Variants in NDUFS5 observed in about 807,000 individuals in gnomAD.
NDUFS5 encodes NADH:ubiquinone oxidoreductase subunit S5.
Under a neutral mutation model 10.5 loss-of-function variants are expected in NDUFS5, and 7 were observed. The observed-to-expected ratio is 0.66, with a 90% CI of 0.38 to 1.25. The LOEUF is 1.25. Among genes scored for constraint, NDUFS5 ranks in the 50% most tolerant of loss-of-function variants. NDUFS5 has a pLI of 0.02. For synonymous variants in NDUFS5, 38 were observed against 44.0 expected, an observed-to-expected ratio of 0.86 and a Z score of 0.54; for missense variants, 148 against 140.7, an observed-to-expected ratio of 1.05 and a Z score of -0.26.
At chr1:39,027,581 G>GTTTTTTTTTTTTTT (rs760373747) in intron 1 of NDUFS5, among the ~76,000 whole-genome samples, 4,225 of 90,642 alleles carry the variant, frequency 0.047, 798 homozygotes, top group African/African-American at 0.057. Context: ...TTTCGCTCTG[G>GTTTTTTTTTTTTTT]TTTTTTTTTT....
intron 1 of NDUFS5, among the ~76,000 whole-genome samples, chr1:39,027,772 A>G: frequency 8.4e-6 from 1 of 119,114 alleles, no homozygotes. Flanking sequence ...TTTGAGACAG[A>G]GAACCTGACC....
chr1:39,030,668 C>A (rs1047196664), intron 2 of NDUFS5, among the ~76,000 whole-genome samples: 4 of 136,640 alleles, frequency 2.9e-5, no homozygotes, highest in Non-Finnish European at 6.2e-5. Flanking sequence ...TGCAGTGAGT[C>A]GAGATTGTGC....
chr1:39,027,260 G>C (rs911014676), intron 1 of NDUFS5, among the ~76,000 whole-genome samples: 1 of 152,136 alleles, frequency 6.6e-6, no homozygotes, highest in East Asian at 1.9e-4. Context: ...TTAGTAGAGA[G>C]AGGGTTTCGC....
At chr1:39,029,866 G>T (rs937178661) in intron 2 of NDUFS5, among the ~76,000 whole-genome samples, 1 of 152,174 alleles carries the variant, frequency 6.6e-6, no homozygotes, top group African/African-American at 2.4e-5. Context: ...GCTGAGGCGG[G>T]TGTATCACGA....
chr1:39,027,402 C>T (rs370526400), intron 1 of NDUFS5, among the ~76,000 whole-genome samples: 5 of 152,184 alleles, frequency 3.3e-5, no homozygotes, highest in East Asian at 3.9e-4. Context: ...CATGAGTACA[C>T]ATTTATATTG....
intron 1 of NDUFS5, among the ~76,000 whole-genome samples, chr1:39,027,280 C>A (rs1273542051): frequency 6.6e-6 from 1 of 152,124 alleles, no homozygotes; most frequent in Non-Finnish European, 1.5e-5. Flanking sequence ...CCATGTTGGT[C>A]AGGCTGGTCT....
At chr1:39,026,430 G>T (rs1032509266) in intron 1 of NDUFS5, 28 bp downstream of exon 1, 2 of 152,264 alleles carry the variant, frequency 1.3e-5, no homozygotes, top group African/African-American at 4.8e-5. Flanking sequence ...CCGCGCGGCA[G>T]CTTAGCTTAA....
intron 2 of NDUFS5, among the ~76,000 whole-genome samples, chr1:39,029,957 G>A (rs1375554789): frequency 6.6e-6 from 1 of 151,842 alleles, no homozygotes; most frequent in Admixed American, 6.6e-5. Context: ...AGGGCATGGT[G>A]GTGGGTGCCT....
chr1:39,027,319 G>A (rs1047155927), intron 1 of NDUFS5, among the ~76,000 whole-genome samples: 1 of 152,032 alleles, frequency 6.6e-6, no homozygotes, highest in Non-Finnish European at 1.5e-5. Context: ...TGATCCGCCC[G>A]CCTCGGCCTC....
At chr1:39,030,582 C>T (rs1191913916) in intron 2 of NDUFS5, among the ~76,000 whole-genome samples, 1 of 151,292 alleles carries the variant, frequency 6.6e-6, no homozygotes. Context: ...TGGCTGGCGC[C>T]TATAGTCCCA....
At chr1:39,031,543 C>A (rs1030657132) in intron 2 of NDUFS5, among the ~76,000 whole-genome samples, 1 of 151,988 alleles carries the variant, frequency 6.6e-6, no homozygotes, top group Non-Finnish European at 1.5e-5. Flanking sequence ...TGGCCTCAAA[C>A]GATCCTCTTG....
chr1:39,028,426 A>C (rs1371501087), intron 1 of NDUFS5, among the ~76,000 whole-genome samples: 3 of 152,044 alleles, frequency 2.0e-5, no homozygotes, highest in Non-Finnish European at 4.4e-5. Flanking sequence ...CGGAGACTCC[A>C]TCTCACGTGG....
intron 2 of NDUFS5, among the ~76,000 whole-genome samples, chr1:39,030,087 C>CAT (rs1644179129): frequency 4.4e-5 from 6 of 137,908 alleles, no homozygotes; most frequent in South Asian, 2.3e-4. Flanking sequence ...CGAGACTCTG[C>CAT]CTCTAAAAAA....
rs1485614338 is a variant in NDUFS5 at position 39,034,577 on chromosome 1, T to A, written c.*81T>A. On this transcript the variant is annotated 3_prime_UTR_variant, in exon 3 of 3. Coordinates refer to ENST00000372969, the MANE Select transcript of NDUFS5 (RefSeq NM_004552.3). ...GAAAGGTTGTTTACGACAAACCTCC[T>A]TGTCAAAGTGTGTAAAAATAAAGGA... 1 of 1,129,058 alleles carries A rather than the reference T, an allele frequency of 8.9e-7. No homozygotes were observed. The highest frequency in any genetic ancestry group is 1.3e-5 in the South Asian group (1 of 79,076). 69.9% of individuals were successfully genotyped at this position (1,129,058 alleles called of 1,614,324 possible). A position where few individuals can be genotyped will look rare whatever the true frequency, so the allele number is the denominator to read the frequency against.
chr1:39,032,982 C>T (rs944732361), intron 2 of NDUFS5, among the ~76,000 whole-genome samples: 1 of 152,106 alleles, frequency 6.6e-6, no homozygotes, highest in East Asian at 1.9e-4. Flanking sequence ...ATAGCCATTG[C>T]AGGGTTTTGA....
At chr1:39,027,118 G>A (rs539526903) in intron 1 of NDUFS5, among the ~76,000 whole-genome samples, 8 of 152,198 alleles carry the variant, frequency 5.3e-5, no homozygotes, top group Non-Finnish European at 1.2e-4. Context: ...GCCCAGGCTG[G>A]AGTGCAGAGT....
intron 2 of NDUFS5, 96 bp from the exon 3 acceptor site, chr1:39,034,296 A>T: frequency 1.8e-6 from 2 of 1,120,610 alleles, no homozygotes; most frequent in Non-Finnish European, 2.7e-6. Context: ...GGCCTTTTGT[A>T]GTTTAAAAAT....
At chr1:39,031,598 G>A (rs1378979947) in intron 2 of NDUFS5, among the ~76,000 whole-genome samples, 10 of 152,070 alleles carry the variant, frequency 6.6e-5, no homozygotes, top group African/African-American at 1.4e-4. Flanking sequence ...GAGCCGCCAC[G>A]TCCAGCAAAC....
At chr1:39,032,819 G>A (rs6663155) in intron 2 of NDUFS5, among the ~76,000 whole-genome samples, 116,582 of 152,028 alleles carry the variant, frequency 0.77, 45,611 homozygotes, top group Non-Finnish European at 0.85. Context: ...AGTGAGCTAT[G>A]TGGTTATGAG....
Sources: allele counts gnomAD v4.1 joint callset (sites outside exome capture counted in the v4.1 genomes callset), GRCh38; gene constraint gnomAD v4.1.1; transcripts MANE v1.5; gene names NCBI Gene and HGNC (gene_info 2026-07-23, HGNC 2026-07-21).